The following CTNNBL1 variants were observed in gnomAD, a reference collection of about 807,000 sequenced individuals.
CTNNBL1 encodes catenin beta like 1, also known as beta-catenin-like protein 1.
A neutral mutation model predicts 72.7 loss-of-function variants in CTNNBL1; 31 were observed. The ratio of observed to expected loss-of-function variants is 0.43; its 90% CI spans 0.32 to 0.58. CTNNBL1 has a LOEUF of 0.58. Ranked by LOEUF, CTNNBL1 falls within the 20% of genes least tolerant of loss-of-function variation. The probability of loss-of-function intolerance (pLI) is 0.08; values close to 1 mark genes in which losing one functional copy is unlikely to be tolerated. For synonymous variants in CTNNBL1, 240 were observed against 267.3 expected, an observed-to-expected ratio of 0.90 and a Z score of 1.00; for missense variants, 534 against 725.1, an observed-to-expected ratio of 0.74 and a Z score of 3.03.
chr20:37,773,485 G>T (rs988086543), intron 7 of CTNNBL1, among the ~76,000 whole-genome samples: 18 of 152,294 alleles, frequency 1.2e-4, no homozygotes, highest in African/African-American at 3.6e-4. Flanking sequence ...AGAGAGCCAG[G>T]CTCCTGGATA....
At chr20:37,831,476 CT>C (rs1389847325) in intron 11 of CTNNBL1, among the ~76,000 whole-genome samples, 26 of 152,068 alleles carry the variant, frequency 1.7e-4, no homozygotes, top group Admixed American at 1.5e-3. Flanking sequence ...CGCCATTCTC[CT>C]GCCTCAGCCT....
chr20:37,733,665 G>A (rs749111786), intron 2 of CTNNBL1, among the ~76,000 whole-genome samples: 17 of 152,138 alleles, frequency 1.1e-4, no homozygotes, highest in Non-Finnish European at 2.2e-4. Context: ...TTCACATTCA[G>A]GTCTCAGTTC....
At chr20:37,826,211 T>G (rs370436256) in intron 11 of CTNNBL1, among the ~76,000 whole-genome samples, 59 of 152,348 alleles carry the variant, frequency 3.9e-4, no homozygotes, top group Middle Eastern at 3.4e-3. Context: ...ACTCACTTCT[T>G]GCTGCAAGGC....
At chr20:37,736,172 A>G (rs73109340) in intron 2 of CTNNBL1, among the ~76,000 whole-genome samples, 3 of 152,300 alleles carry the variant, frequency 2.0e-5, no homozygotes, top group Non-Finnish European at 2.9e-5. Flanking sequence ...TCAGGGTTCA[A>G]AGTACCTGTC....
chr20:37,746,370 A>C, intron 3 of CTNNBL1, 98 bp from the exon 4 acceptor site: 1 of 1,342,982 alleles, frequency 7.4e-7, no homozygotes, highest in Non-Finnish European at 1.0e-6. Context: ...TGTTGTAGAC[A>C]CTTTGACAGA....
At chr20:37,834,357 G>A (rs2072237161) in intron 11 of CTNNBL1, among the ~76,000 whole-genome samples, 1 of 152,138 alleles carries the variant, frequency 6.6e-6, no homozygotes, top group Admixed American at 6.5e-5. Flanking sequence ...TTGTGGAACT[G>A]CCTGAAACTC....
chr20:37,746,166 T>C (rs2073260441), intron 3 of CTNNBL1, among the ~76,000 whole-genome samples: 1 of 152,164 alleles, frequency 6.6e-6, no homozygotes, highest in African/African-American at 2.4e-5. Context: ...GGCTAATCTA[T>C]AGGACTGGTG....
intron 11 of CTNNBL1, among the ~76,000 whole-genome samples, chr20:37,817,072 C>T (rs983269762): frequency 2.6e-5 from 4 of 152,158 alleles, no homozygotes; most frequent in African/African-American, 9.7e-5. Context: ...TTATCGTTAG[C>T]CTGCTTTATT....
intron 11 of CTNNBL1, among the ~76,000 whole-genome samples, chr20:37,822,234 G>A (rs1938784409): frequency 6.6e-6 from 1 of 152,194 alleles, no homozygotes; most frequent in African/African-American, 2.4e-5. Flanking sequence ...TGGCCGTGGT[G>A]TGGGTGTCTT....
chr20:37,761,346 A>C (rs187841557), intron 5 of CTNNBL1, among the ~76,000 whole-genome samples: 45 of 152,050 alleles, frequency 3.0e-4, no homozygotes, highest in African/African-American at 1.1e-3. Flanking sequence ...CACTAAATTA[A>C]CTCTACTGAA....
chr20:37,770,674 G>A (rs1197441289), intron 7 of CTNNBL1, among the ~76,000 whole-genome samples: 1 of 151,778 alleles, frequency 6.6e-6, no homozygotes, highest in East Asian at 1.9e-4. Flanking sequence ...GCAAGCTATT[G>A]ACTCTTGCCA....
chr20:37,869,260 C>T (rs574370391), intron 15 of CTNNBL1, among the ~76,000 whole-genome samples: 3 of 152,370 alleles, frequency 2.0e-5, no homozygotes, highest in Admixed American at 2.0e-4. Flanking sequence ...AGCAAAATTA[C>T]TTCCCCAGCA....
intron 10 of CTNNBL1, among the ~76,000 whole-genome samples, chr20:37,789,797 C>T (rs1430960817): frequency 1.3e-5 from 2 of 152,166 alleles, no homozygotes; most frequent in African/African-American, 4.8e-5. Flanking sequence ...GCAACAGAGC[C>T]AGTGGGAGAC....
intron 13 of CTNNBL1, among the ~76,000 whole-genome samples, chr20:37,856,106 A>G (rs1414240110): frequency 2.6e-5 from 4 of 151,646 alleles, no homozygotes; most frequent in African/African-American, 7.3e-5. Flanking sequence ...GTGTGGTGGC[A>G]GGCACCTGTA....
At chr20:37,863,134 T>C (rs969598203) in intron 15 of CTNNBL1, among the ~76,000 whole-genome samples, 1 of 152,210 alleles carries the variant, frequency 6.6e-6, no homozygotes, top group Admixed American at 6.5e-5. Context: ...AAACATTGAC[T>C]GTGACTCTCC....
At chr20:37,717,103 T>C (rs1024621059) in intron 1 of CTNNBL1, among the ~76,000 whole-genome samples, 6 of 152,162 alleles carry the variant, frequency 3.9e-5, no homozygotes, top group Admixed American at 3.9e-4. Flanking sequence ...AAAACATCTT[T>C]TCTCTTTTTT....
intron 10 of CTNNBL1, among the ~76,000 whole-genome samples, chr20:37,793,367 T>G (rs1159525755): frequency 6.6e-6 from 1 of 152,244 alleles, no homozygotes; most frequent in African/African-American, 2.4e-5. Flanking sequence ...TTTATTATTA[T>G]GAAAATAACT....
At chr20:37,694,183 C>T in intron 1 of CTNNBL1, 31 bp downstream of exon 1, 2 of 1,574,690 alleles carry the variant, frequency 1.3e-6, no homozygotes, top group South Asian at 1.1e-5. Context: ...CGAGCGACCG[C>T]GTTCTCACCT....
At chr20:37,736,607 C>T (rs924157973) in intron 2 of CTNNBL1, among the ~76,000 whole-genome samples, 1 of 152,052 alleles carries the variant, frequency 6.6e-6, no homozygotes, top group Admixed American at 6.5e-5. Context: ...GCGGCACAGT[C>T]TCGGCTCACT....
Sources: allele counts gnomAD v4.1 joint callset (sites outside exome capture counted in the v4.1 genomes callset), GRCh38; gene constraint gnomAD v4.1.1; transcripts MANE v1.5; gene names NCBI Gene and HGNC (gene_info 2026-07-23, HGNC 2026-07-21).